Variants in EXOC4 observed in about 807,000 individuals in gnomAD.
EXOC4 encodes exocyst complex component 4.
A neutral mutation model predicts 107.2 loss-of-function variants in EXOC4; 71 were observed. That is an observed-to-expected ratio of 0.66 (90% CI 0.55 to 0.81). The LOEUF is 0.81. Ranked by LOEUF, EXOC4 falls within the 30% of genes least tolerant of loss-of-function variation. EXOC4 has a pLI of 0.00. For synonymous variants in EXOC4, 456 were observed against 441.2 expected (o/e 1.03, Z -0.42); for missense variants, 1,108 against 1,189.6 (o/e 0.93, Z 1.01).
chr7:133,901,070 A>G (rs190359296), intron 12 of EXOC4, among the ~76,000 whole-genome samples: 1 of 152,062 alleles, frequency 6.6e-6, no homozygotes, highest in Non-Finnish European at 1.5e-5. Context: ...GGGTTTCACC[A>G]TGTTGGCCAG....
intron 7 of EXOC4, among the ~76,000 whole-genome samples, chr7:133,433,061 G>A (rs1021991690): frequency 2.0e-5 from 3 of 152,100 alleles, no homozygotes; most frequent in South Asian, 2.1e-4. Flanking sequence ...TCTTATTTTC[G>A]AATGGTAGTA....
At chr7:133,950,600 A>G (rs905657097) in intron 14 of EXOC4, among the ~76,000 whole-genome samples, 7 of 152,240 alleles carry the variant, frequency 4.6e-5, no homozygotes, top group Non-Finnish European at 7.3e-5. Context: ...GTTTGATGAT[A>G]AGATTTTGAC....
At chr7:133,260,595 T>C (rs1795126428) in intron 1 of EXOC4, among the ~76,000 whole-genome samples, 1 of 152,206 alleles carries the variant, frequency 6.6e-6, no homozygotes, top group African/African-American at 2.4e-5. Flanking sequence ...ATTCTACTTT[T>C]TCAAAGTAGT....
chr7:133,685,686 C>T (rs1040143546), intron 10 of EXOC4, among the ~76,000 whole-genome samples: 3 of 151,906 alleles, frequency 2.0e-5, no homozygotes, highest in South Asian at 2.1e-4. Context: ...AAGACTAGGC[C>T]GACTTGAGAA....
At chr7:133,707,734 G>C (rs1682156133) in intron 10 of EXOC4, among the ~76,000 whole-genome samples, 1 of 152,004 alleles carries the variant, frequency 6.6e-6, no homozygotes, top group Non-Finnish European at 1.5e-5. Context: ...TCTTGCCTCA[G>C]CCTCCTGAGT....
chr7:133,912,369 A>C (rs1026345986), intron 12 of EXOC4, among the ~76,000 whole-genome samples: 2 of 152,154 alleles, frequency 1.3e-5, no homozygotes, highest in African/African-American at 4.8e-5. Context: ...TCTTTGGTTC[A>C]TTTGTTTTAT....
intron 6 of EXOC4, among the ~76,000 whole-genome samples, chr7:133,366,790 A>G (rs1796257842): frequency 1.3e-5 from 2 of 152,340 alleles, no homozygotes; most frequent in Admixed American, 6.5e-5. Flanking sequence ...ATATTGGAAT[A>G]CAGTAATAAA....
Position 133,937,960 on chromosome 7 carries a change from C to T in EXOC4, c.2097C>T (p.Asp699=), listed in dbSNP as rs368698250. The part of the protein sequence containing the change: ...NLGDKLIPPQ[D]ILRDVSDLKA... ...GTGATAAATTAATCCCTCCACAAGA[C>T]ATCCTTCGTGACGTCAGTGACCTCA... Residue 699 remains aspartate (D), a synonymous_variant, in exon 14 of 18, where the codon GAC becomes GAT. Coordinates refer to ENST00000253861, the MANE Select transcript of EXOC4 (RefSeq NM_021807.4). 3.1e-6 allele frequency: 5 copies of T among 1,614,040 alleles called. No individual in the cohort carries two copies. Among genetic ancestry groups the T allele is most frequent in the Admixed American group, 1.7e-5 (1 of 60,000 alleles).
At chr7:133,429,490 G>A (rs540758793) in intron 7 of EXOC4, among the ~76,000 whole-genome samples, 2 of 152,226 alleles carry the variant, frequency 1.3e-5, no homozygotes, top group South Asian at 4.1e-4. Flanking sequence ...TAACTCAATA[G>A]GTTTTAGTAT....
intron 14 of EXOC4, among the ~76,000 whole-genome samples, chr7:133,946,480 A>G (rs1800552882): frequency 6.6e-6 from 1 of 152,226 alleles, no homozygotes; most frequent in African/African-American, 2.4e-5. Flanking sequence ...GTCTCAACTA[A>G]TGTTTTGTAG....
intron 10 of EXOC4, among the ~76,000 whole-genome samples, chr7:133,633,093 C>T (rs12707109): frequency 0.98 from 148,690 of 152,268 alleles, 72,696 homozygotes; most frequent in East Asian, 1. Context: ...AAAAATAAGA[C>T]CATATCCTTA....
chr7:133,807,351 C>T (rs936366684), intron 10 of EXOC4, among the ~76,000 whole-genome samples: 3 of 152,224 alleles, frequency 2.0e-5, no homozygotes, highest in African/African-American at 7.2e-5. Flanking sequence ...TTGATCAGGA[C>T]GTGGTAAGCG....
intron 7 of EXOC4, among the ~76,000 whole-genome samples, chr7:133,399,267 A>G (rs1797036855): frequency 1.3e-5 from 2 of 152,168 alleles, no homozygotes; most frequent in South Asian, 4.1e-4. Context: ...TGTACAGATT[A>G]TATATATATC....
intron 17 of EXOC4, among the ~76,000 whole-genome samples, chr7:134,037,903 G>A (rs910438183): frequency 2.0e-5 from 3 of 152,154 alleles, no homozygotes; most frequent in African/African-American, 7.2e-5. Context: ...GCGATCCTCA[G>A]CATCTTGCTA....
intron 7 of EXOC4, among the ~76,000 whole-genome samples, chr7:133,390,258 G>T (rs903695021): frequency 6.6e-6 from 1 of 152,184 alleles, no homozygotes; most frequent in African/African-American, 2.4e-5. Context: ...CAGCTTAATC[G>T]GCTTTCTATA....
At chr7:133,543,730 TCTC>T (rs34018961) in intron 9 of EXOC4, among the ~76,000 whole-genome samples, 94,259 of 151,492 alleles carry the variant, frequency 0.62, 30,447 homozygotes, top group South Asian at 0.75. Flanking sequence ...GCTTGTCACT[TCTC>T]CTCTATAGCC....
intron 9 of EXOC4, among the ~76,000 whole-genome samples, chr7:133,568,211 G>T (rs1433505883): frequency 1.3e-5 from 2 of 150,628 alleles, no homozygotes; most frequent in Non-Finnish European, 1.5e-5. Context: ...ATTTTCAGTT[G>T]CCTCTTCTTT....
chr7:133,592,759 T>G (rs992369913), intron 9 of EXOC4, among the ~76,000 whole-genome samples: 6 of 152,192 alleles, frequency 3.9e-5, no homozygotes, highest in Non-Finnish European at 7.3e-5. Context: ...CGCACCACCA[T>G]GCCCAGCTAA....
intron 3 of EXOC4, among the ~76,000 whole-genome samples, chr7:133,302,808 A>G (rs1409707148): frequency 2.0e-5 from 3 of 152,008 alleles, no homozygotes; most frequent in East Asian, 3.9e-4. Context: ...CATTAATCCA[A>G]CTGTGTCTCT....
Sources: gnomAD v4.1 joint callset for allele counts (sites outside exome capture counted in the v4.1 genomes callset) on GRCh38, gnomAD v4.1.1 for gene constraint, MANE v1.5 for transcripts, NCBI Gene and HGNC (gene_info 2026-07-23, HGNC 2026-07-21) for gene names.